The following PCDH15 variants were observed in gnomAD, a reference collection of about 807,000 sequenced individuals.
The protein encoded by PCDH15 is protocadherin related 15.
In PCDH15, 129 loss-of-function variants were observed where a neutral mutation model predicts 178.5. That is an observed-to-expected ratio of 0.72 (90% CI 0.63 to 0.84). The LOEUF is 0.84. Among genes scored for constraint, PCDH15 ranks in the 40% least tolerant of loss-of-function variants. The pLI is 0.00. For synonymous variants in PCDH15, 800 were observed against 732.0 expected (o/e 1.09, Z -1.50); for missense variants, 2,230 against 2,099.9 (o/e 1.06, Z -1.21).
intron 8 of PCDH15, among the ~76,000 whole-genome samples, chr10:54,300,749 C>T (rs1208459407): frequency 6.6e-6 from 1 of 152,126 alleles, no homozygotes; most frequent in Non-Finnish European, 1.5e-5. Context: ...CACCAATCAG[C>T]ACTTGGTAAA....
At chr10:54,435,486 G>A (rs1433556809) in intron 3 of PCDH15, among the ~76,000 whole-genome samples, 3 of 152,048 alleles carry the variant, frequency 2.0e-5, no homozygotes, top group African/African-American at 4.8e-5. Context: ...GACAAAGGGC[G>A]GACTGCAAAT....
At chr10:54,149,176 C>T (rs566115999) in intron 14 of PCDH15, among the ~76,000 whole-genome samples, 3 of 152,152 alleles carry the variant, frequency 2.0e-5, no homozygotes, top group East Asian at 3.9e-4. Flanking sequence ...CCTTCATTAT[C>T]GTAAGTTCCC....
At chr10:54,931,321 A>G (rs549859342) in intron 2 of PCDH15, among the ~76,000 whole-genome samples, 42 of 152,320 alleles carry the variant, frequency 2.8e-4, no homozygotes, top group African/African-American at 9.4e-4. Flanking sequence ...GTAACGTTTG[A>G]AACATCTACT....
intron 1 of PCDH15, among the ~76,000 whole-genome samples, chr10:54,753,894 G>GGT (rs1555181786): frequency 1.2e-5 from 1 of 85,508 alleles, no homozygotes; most frequent in South Asian, 3.4e-4. Context: ...GTTTGTTTGT[G>GGT]TTTTTTTTTT....
At chr10:55,565,467 A>G (rs1031744246) in intron 2 of PCDH15, among the ~76,000 whole-genome samples, 2 of 151,614 alleles carry the variant, frequency 1.3e-5, no homozygotes, top group African/African-American at 4.8e-5. Context: ...AACCAGAAAA[A>G]CAAACTGAAG....
intron 2 of PCDH15, among the ~76,000 whole-genome samples, chr10:55,447,098 A>C (rs1439029288): frequency 6.6e-6 from 1 of 152,098 alleles, no homozygotes; most frequent in Non-Finnish European, 1.5e-5. Flanking sequence ...ATGAATAATA[A>C]TAATGATTAT....
intron 18 of PCDH15, among the ~76,000 whole-genome samples, chr10:54,052,995 T>C (rs1288067364): frequency 6.6e-6 from 1 of 152,200 alleles, no homozygotes; most frequent in African/African-American, 2.4e-5. Flanking sequence ...TCCACCATAA[T>C]TGCAAGATTC....
At chr10:54,803,770 G>A (rs865787828), upstream of PCDH15, among the ~76,000 whole-genome samples, 3 of 152,196 alleles carry the variant, frequency 2.0e-5, no homozygotes, top group South Asian at 2.1e-4. Context: ...ACTTTACGAC[G>A]GAAAGAGATT....
intron 1 of PCDH15, among the ~76,000 whole-genome samples, chr10:55,225,904 G>A (rs1841023000): frequency 6.6e-6 from 1 of 152,014 alleles, no homozygotes; most frequent in Admixed American, 6.5e-5. Flanking sequence ...CGTGGGTACA[G>A]CAAAGAGTAA....
At chr10:54,894,688 A>G (rs1954518200) in intron 3 of PCDH15, among the ~76,000 whole-genome samples, 1 of 152,194 alleles carries the variant, frequency 6.6e-6, no homozygotes, top group Admixed American at 6.6e-5. Flanking sequence ...CAAAGGTCAT[A>G]AAGAAATAAA....
At chr10:55,336,096 T>C (rs948109048) in intron 2 of PCDH15, among the ~76,000 whole-genome samples, 1 of 123,750 alleles carries the variant, frequency 8.1e-6, no homozygotes, top group East Asian at 2.5e-4. Flanking sequence ...CAGCACATGC[T>C]ATCCCAAAAT....
intron 2 of PCDH15, among the ~76,000 whole-genome samples, chr10:55,070,708 C>T (rs1446003300): frequency 1.3e-5 from 2 of 152,048 alleles, no homozygotes; most frequent in Admixed American, 6.6e-5. Flanking sequence ...AGTCAGGTAG[C>T]GTGATGCCTT....
chr10:55,556,008 T>G (rs1589135672), intron 2 of PCDH15, among the ~76,000 whole-genome samples: 4 of 152,272 alleles, frequency 2.6e-5, no homozygotes, highest in Admixed American at 2.6e-4. Context: ...ATATATTTTT[T>G]GCATATTTCA....
intron 21 of PCDH15, chr10:53,994,574 G>A (rs927776647): frequency 1.3e-5 from 2 of 152,032 alleles, no homozygotes; most frequent in Non-Finnish European, 1.5e-5. Context: ...CAGAAAAATT[G>A]CCAGTTTCAC....
chr10:55,093,625 T>C (rs565728118), intron 2 of PCDH15, among the ~76,000 whole-genome samples: 1 of 152,256 alleles, frequency 6.6e-6, no homozygotes, highest in Non-Finnish European at 1.5e-5. Flanking sequence ...AACATTTAAG[T>C]CTTTAATCCA....
At chr10:54,898,970 C>A (rs1199684541) in intron 2 of PCDH15, among the ~76,000 whole-genome samples, 2 of 152,082 alleles carry the variant, frequency 1.3e-5, no homozygotes, top group South Asian at 2.1e-4. Context: ...ACTTGGAGAT[C>A]ATGGAGACTG....
chr10:54,543,687 G>C (rs560660617), intron 2 of PCDH15, among the ~76,000 whole-genome samples: 7 of 152,162 alleles, frequency 4.6e-5, no homozygotes, highest in African/African-American at 1.7e-4. Context: ...TGACTAGCCA[G>C]GGGAAAAAAA....
intron 3 of PCDH15, among the ~76,000 whole-genome samples, chr10:54,408,137 A>G (rs1484151977): frequency 6.6e-6 from 1 of 150,502 alleles, no homozygotes; most frequent in Non-Finnish European, 1.5e-5. Flanking sequence ...TTTCTTCACT[A>G]TATTTAGGAA....
chr10:54,975,425 T>G (rs552973491), intron 2 of PCDH15, among the ~76,000 whole-genome samples: 79 of 152,316 alleles, frequency 5.2e-4, no homozygotes, highest in Middle Eastern at 3.4e-3. Context: ...TTATTGATAT[T>G]TCTTTCCATA....
Sources: gnomAD v4.1 joint callset for allele counts (sites outside exome capture counted in the v4.1 genomes callset) on GRCh38, gnomAD v4.1.1 for gene constraint, MANE v1.5 for transcripts, NCBI Gene and HGNC (gene_info 2026-07-23, HGNC 2026-07-21) for gene names.